The following NREP variants were observed in gnomAD, a reference collection of about 807,000 sequenced individuals.
The protein encoded by NREP is neuronal regeneration-related protein.
NREP carries 5 observed loss-of-function variants against 8.6 expected under a neutral mutation model. The ratio of observed to expected loss-of-function variants is 0.58; its 90% CI spans 0.30 to 1.22. NREP has a LOEUF of 1.22. Ranked by LOEUF, NREP falls within the 50% of genes most tolerant of loss-of-function variation. The pLI is 0.07. For missense variants in NREP, 86 were observed against 82.5 expected (o/e 1.04, Z -0.17); for synonymous variants, 27 against 28.0 (o/e 0.96, Z 0.11).
intron 2 of NREP, among the ~76,000 whole-genome samples, chr5:111,745,647 G>A (rs939438884): frequency 6.6e-6 from 1 of 151,968 alleles, no homozygotes; most frequent in Non-Finnish European, 1.5e-5. Context: ...TTTGCTTTTC[G>A]AAATGTTAAC....
chr5:111,765,073 T>C (rs1253094715), intron 2 of NREP, among the ~76,000 whole-genome samples: 1 of 152,160 alleles, frequency 6.6e-6, no homozygotes, highest in African/African-American at 2.4e-5. Flanking sequence ...TCCAACCTTT[T>C]GGGCAACAGG....
At chr5:111,768,706 T>C (rs1047356264) in intron 2 of NREP, among the ~76,000 whole-genome samples, 2 of 152,240 alleles carry the variant, frequency 1.3e-5, no homozygotes, top group East Asian at 3.8e-4. Context: ...TCATTTTTTA[T>C]GGCTGTGTAG....
At chr5:111,811,436 C>T (rs1240473085) in intron 2 of NREP, among the ~76,000 whole-genome samples, 1 of 152,146 alleles carries the variant, frequency 6.6e-6, no homozygotes, top group Non-Finnish European at 1.5e-5. Flanking sequence ...TTTTGAGTCC[C>T]CTAACTCGGG....
chr5:111,743,735 G>T (rs958926507), intron 2 of NREP, among the ~76,000 whole-genome samples: 3 of 152,004 alleles, frequency 2.0e-5, no homozygotes, highest in Non-Finnish European at 4.4e-5. Context: ...CACATTCCAA[G>T]GTTAATAGGA....
chr5:111,759,037 C>T (rs1750892979), upstream of NREP, among the ~76,000 whole-genome samples: 1 of 152,198 alleles, frequency 6.6e-6, no homozygotes, highest in South Asian at 2.1e-4. Flanking sequence ...ATATAAAACT[C>T]AACAAATTCC....
chr5:111,918,275 T>C (rs1370540895), intron 2 of NREP, among the ~76,000 whole-genome samples: 1 of 152,166 alleles, frequency 6.6e-6, no homozygotes, highest in Non-Finnish European at 1.5e-5. Context: ...AAAATGGCCA[T>C]ACTGCCCAAA....
chr5:111,893,738 T>C (rs1310210691), intron 2 of NREP, among the ~76,000 whole-genome samples: 2 of 151,486 alleles, frequency 1.3e-5, no homozygotes, highest in East Asian at 4.0e-4. Context: ...CTTAATTTAA[T>C]TTGCTAATTG....
chr5:111,888,582 T>A (rs143650487), intron 2 of NREP, among the ~76,000 whole-genome samples: 1 of 152,274 alleles, frequency 6.6e-6, no homozygotes, highest in Non-Finnish European at 1.5e-5. Context: ...GAGATTACAA[T>A]TAAAGGTGAG....
intron 2 of NREP, among the ~76,000 whole-genome samples, chr5:111,886,495 T>A (rs944661124): frequency 6.6e-6 from 1 of 152,026 alleles, no homozygotes; most frequent in Non-Finnish European, 1.5e-5. Context: ...GGACTATAAA[T>A]CATGCTGCTA....
At chr5:111,929,980 C>T (rs1248713246) in intron 2 of NREP, among the ~76,000 whole-genome samples, 1 of 152,078 alleles carries the variant, frequency 6.6e-6, no homozygotes, top group Non-Finnish European at 1.5e-5. Flanking sequence ...GGCAATTGTC[C>T]AGTAATTCTA....
chr5:111,765,374 G>T (rs372520308), intron 2 of NREP, among the ~76,000 whole-genome samples: 1 of 152,138 alleles, frequency 6.6e-6, no homozygotes, highest in African/African-American at 2.4e-5. Flanking sequence ...TGCACCTTGG[G>T]GTTGGAGACT....
chr5:111,967,648 A>T (rs1756682177), intron 2 of NREP, among the ~76,000 whole-genome samples: 1 of 151,936 alleles, frequency 6.6e-6, no homozygotes, highest in African/African-American at 2.4e-5. Context: ...CCTGTCTGGG[A>T]AGTGAGGAGC....
chr5:111,799,662 A>G (rs1168958330), intron 2 of NREP, among the ~76,000 whole-genome samples: 1 of 152,234 alleles, frequency 6.6e-6, no homozygotes, highest in Non-Finnish European at 1.5e-5. Flanking sequence ...CCACTAAGAA[A>G]TAAAACCTTA....
intron 1 of NREP, among the ~76,000 whole-genome samples, chr5:111,976,167 T>C (rs867220414): frequency 3.9e-5 from 6 of 152,316 alleles, no homozygotes; most frequent in African/African-American, 4.8e-5. Flanking sequence ...ACTGCCTTCA[T>C]TCAGAAAAGA....
chr5:111,972,952 G>A (rs913589392), intron 2 of NREP, among the ~76,000 whole-genome samples: 20 of 152,196 alleles, frequency 1.3e-4, no homozygotes, highest in Non-Finnish European at 2.4e-4. Flanking sequence ...ATTCAAGAGA[G>A]CAACAGGAGA....
At chr5:111,898,994 G>C (rs1754578854) in intron 2 of NREP, among the ~76,000 whole-genome samples, 1 of 151,962 alleles carries the variant, frequency 6.6e-6, no homozygotes, top group African/African-American at 2.4e-5. Context: ...ACCCAGCCAA[G>C]CTATTATTCA....
At position 111,975,369 on chromosome 5, in the gene NREP, C is replaced by A. The variant is rs1180006589; in HGVS notation, c.40G>T (p.Glu14Ter). The A allele has an allele frequency of 6.4e-7, 1 of 1,551,372 alleles. No individual in the cohort carries two copies. The highest frequency in any genetic ancestry group is 1.4e-5 in the African/African-American group (1 of 73,040). ...CTCCTCTGGGTTCGTGTTTCATCTT[C>A]TCTTCGGCTCTGCAGACAAGACACA... Residue 14 changes from glutamate to a stop codon, truncating the protein, a stop_gained, in exon 2 of 4, where the codon GAA becomes TAA. Coordinates refer to the NREP transcript ENST00000395634. LOFTEE classifies it high-confidence loss of function.
chr5:111,821,572 C>G (rs141142778), intron 2 of NREP, among the ~76,000 whole-genome samples: 135 of 152,232 alleles, frequency 8.9e-4, no homozygotes, highest in African/African-American at 3.1e-3. Context: ...CAGTCAACAT[C>G]AAAGAAATTT....
chr5:111,742,751 A>T (rs1749761880), intron 2 of NREP, among the ~76,000 whole-genome samples: 1 of 152,138 alleles, frequency 6.6e-6, no homozygotes. Context: ...CACGGAGGTC[A>T]GCTGCAAACA....
Sources: allele counts gnomAD v4.1 joint callset (sites outside exome capture counted in the v4.1 genomes callset), GRCh38; gene constraint gnomAD v4.1.1; transcripts MANE v1.5; gene names NCBI Gene and HGNC (gene_info 2026-07-23, HGNC 2026-07-21).